Variants in MYO3B observed in about 807,000 individuals in gnomAD.
MYO3B encodes the protein myosin-IIIb.
Under a neutral mutation model 174.6 loss-of-function variants are expected in MYO3B, and 156 were observed. The ratio of observed to expected loss-of-function variants is 0.89; its 90% confidence interval spans 0.78 to 1.02. MYO3B has a LOEUF of 1.02. MYO3B is among the 50% of genes least tolerant of loss of function. The pLI is 0.00. For missense variants in MYO3B, 1,632 were observed against 1,639.4 expected (o/e 1.00, Z 0.08); for synonymous variants, 563 against 569.1 (o/e 0.99, Z 0.15).
Position 170,408,811 on chromosome 2 carries a change from G to A in MYO3B, c.2650+967G>A, listed in dbSNP as rs966998612. ...GCCTTTGCTTCATCTTAACTTGGAA[G>A]GAAAGTTGAAATCCGGCTCTTTTTT... On this transcript the variant is annotated intron_variant, in intron 22 of 34. Coordinates refer to ENST00000408978, the MANE Select transcript of MYO3B (RefSeq NM_138995.5). Among the ~76,000 whole-genome samples the A allele has an allele frequency of 4.6e-5, 7 of 150,718 alleles. No homozygotes were observed. In the East Asian group the frequency reaches 1.4e-3, roughly 29 times the overall value.
At chr2:170,573,361 A>T (rs1046311439) in intron 32 of MYO3B, among the ~76,000 whole-genome samples, 2 of 152,172 alleles carry the variant, frequency 1.3e-5, no homozygotes, top group Non-Finnish European at 1.5e-5. Context: ...AAGACTATAG[A>T]GTGGATACCT....
At chr2:170,182,633 A>C in intron 1 of MYO3B, among the ~76,000 whole-genome samples, 1 of 119,660 alleles carries the variant, frequency 8.4e-6, no homozygotes, top group East Asian at 2.2e-4. Flanking sequence ...TTTTTTTGAG[A>C]CTGAGTTTCA....
intron 6 of MYO3B, among the ~76,000 whole-genome samples, chr2:170,231,108 G>T (rs930082949): frequency 6.6e-6 from 1 of 152,188 alleles, no homozygotes; most frequent in Non-Finnish European, 1.5e-5. Flanking sequence ...GACAGACAAG[G>T]GGATGATATG....
intron 7 of MYO3B, among the ~76,000 whole-genome samples, chr2:170,300,443 T>G (rs545761277): frequency 1.3e-5 from 2 of 152,324 alleles, no homozygotes; most frequent in African/African-American, 4.8e-5. Context: ...CTTATTATAG[T>G]GCATATATTA....
chr2:170,235,839 A>T (rs2093063633), intron 6 of MYO3B, 152 bp from the exon 7 acceptor site: 1 of 868,028 alleles, frequency 1.2e-6, no homozygotes, highest in Admixed American at 2.5e-5. Context: ...TTATACACAA[A>T]TAAGGCCTAG....
chr2:170,598,077 A>G (rs1315237251), intron 32 of MYO3B, among the ~76,000 whole-genome samples: 1 of 152,246 alleles, frequency 6.6e-6, no homozygotes, highest in Non-Finnish European at 1.5e-5. Context: ...ATCCCAAAAC[A>G]GACTTTAAGC....
chr2:170,271,335 T>C (rs1051473480), intron 7 of MYO3B, among the ~76,000 whole-genome samples: 1 of 152,218 alleles, frequency 6.6e-6, no homozygotes, highest in Non-Finnish European at 1.5e-5. Flanking sequence ...TGGAATCTTA[T>C]AGGTAGCTCA....
chr2:170,274,440 A>T (rs1322083265), intron 7 of MYO3B, among the ~76,000 whole-genome samples: 1 of 152,186 alleles, frequency 6.6e-6, no homozygotes, highest in Non-Finnish European at 1.5e-5. Flanking sequence ...GATTAGCACA[A>T]GGATTCTACT....
At chr2:170,446,309 C>T (rs62170681) in intron 23 of MYO3B, among the ~76,000 whole-genome samples, 41,609 of 151,906 alleles carry the variant, frequency 0.27, 5,959 homozygotes, top group Admixed American at 0.37. Flanking sequence ...AACCCCGTGT[C>T]GTATTTCCTG....
chr2:170,529,056 C>T (rs565789546), intron 30 of MYO3B, among the ~76,000 whole-genome samples: 13 of 152,260 alleles, frequency 8.5e-5, no homozygotes, highest in Non-Finnish European at 7.4e-5. Context: ...TGTTTAATTT[C>T]ACCTGATAGC....
At chr2:170,201,198 G>A (rs370308685) in intron 3 of MYO3B, among the ~76,000 whole-genome samples, 3 of 152,284 alleles carry the variant, frequency 2.0e-5, no homozygotes, top group East Asian at 1.9e-4. Context: ...GAACAAATAC[G>A]ATTCCCTATG....
chr2:170,433,131 C>G (rs1435644310), intron 22 of MYO3B, among the ~76,000 whole-genome samples: 1 of 151,910 alleles, frequency 6.6e-6, no homozygotes. Flanking sequence ...TTTACTGTAC[C>G]TTTTCTATGT....
intron 32 of MYO3B, among the ~76,000 whole-genome samples, chr2:170,565,012 A>G (rs937842655): frequency 1.4e-5 from 2 of 146,984 alleles, no homozygotes; most frequent in African/African-American, 2.7e-5. Flanking sequence ...CTGCAGGGGG[A>G]AAAACTCCTT....
intron 1 of MYO3B, among the ~76,000 whole-genome samples, chr2:170,184,831 A>T (rs1048996223): frequency 6.6e-6 from 1 of 152,120 alleles, no homozygotes. Flanking sequence ...ACTTTTCTCC[A>T]CATTCTCACC....
chr2:170,334,975 A>G (rs2105537209), intron 7 of MYO3B: 1 of 161,116 alleles, frequency 6.2e-6, no homozygotes. Flanking sequence ...TCCAAATGGT[A>G]CCATAATGAT....
Position 170,199,383 on chromosome 2 carries a change from C to A in MYO3B, c.178C>A (p.Pro60Thr), listed in dbSNP as rs369752113. 2.5e-6 allele frequency: 4 copies of A among 1,608,624 alleles called. No homozygotes were observed. In the African/African-American group the frequency reaches 5.4e-5, roughly 22 times the overall value. ...CCTGGCTGCAGTGAAAATTCTGGAT[C>A]CAGTCAGTGTAAGTAACAGTTGTAA... ...GSLAAVKILD[P>T]VSDMDEEIEA... Residue 60 changes from proline (P) to threonine (T), a missense_variant, in exon 2 of 35, where the codon CCA becomes ACA. Pro to Thr is a conservative substitution (Grantham distance 38). Transcript: ENST00000408978.
intron 21 of MYO3B, 135 bp from the exon 22 acceptor site, chr2:170,407,580 G>GGGC: frequency 1.6e-5 from 1 of 64,418 alleles, no homozygotes. Context: ...CCTTTATCTG[G>GGGC]TGCTCTGGAT....
intron 10 of MYO3B, 190 bp downstream of exon 10, chr2:170,382,302 C>G (rs758975119): frequency 2.2e-6 from 1 of 446,334 alleles, no homozygotes; most frequent in East Asian, 3.0e-5. Flanking sequence ...TTTAGATAGC[C>G]CCTAGAATGA....
intron 7 of MYO3B, among the ~76,000 whole-genome samples, chr2:170,327,348 G>A (rs758738295): frequency 1.6e-4 from 25 of 152,342 alleles, no homozygotes; most frequent in Non-Finnish European, 3.4e-4. Flanking sequence ...TCACGCCACT[G>A]CACTCCAGCC....
Sources: gnomAD v4.1 joint callset for allele counts (sites outside exome capture counted in the v4.1 genomes callset) on GRCh38, gnomAD v4.1.1 for gene constraint, MANE v1.5 for transcripts, NCBI Gene and HGNC (gene_info 2026-07-23, HGNC 2026-07-21) for gene names.